The following GPC5 variants were observed in gnomAD, a reference collection of about 807,000 sequenced individuals.
GPC5 encodes the protein glypican-5.
A neutral mutation model predicts 53.9 loss-of-function variants in GPC5; 47 were observed. The ratio of observed to expected loss-of-function variants is 0.87; its 90% CI spans 0.69 to 1.11. The LOEUF is 1.11. Among genes scored for constraint, GPC5 ranks in the 50% most tolerant of loss-of-function variants. The pLI is 0.00. For synonymous variants in GPC5, 286 were observed against 263.3 expected, an observed-to-expected ratio of 1.09 and a Z score of -0.84; for missense variants, 748 against 713.1, an observed-to-expected ratio of 1.05 and a Z score of -0.56.
intron 6 of GPC5, among the ~76,000 whole-genome samples, chr13:91,976,755 A>G (rs1331275935): frequency 6.6e-6 from 1 of 152,174 alleles, no homozygotes; most frequent in East Asian, 1.9e-4. Flanking sequence ...TAAGACAAAC[A>G]GAGGCCGAGC....
intron 7 of GPC5, among the ~76,000 whole-genome samples, chr13:92,535,156 C>T (rs1364044067): frequency 2.6e-5 from 4 of 152,102 alleles, no homozygotes; most frequent in African/African-American, 9.7e-5. Flanking sequence ...GGCTGGGCTT[C>T]ATGGGGTAAG....
chr13:91,917,893 T>C (rs1438288578), intron 6 of GPC5, among the ~76,000 whole-genome samples: 1 of 152,196 alleles, frequency 6.6e-6, no homozygotes, highest in Non-Finnish European at 1.5e-5. Flanking sequence ...CCCTCCAAAC[T>C]GTGTCAACCT....
intron 7 of GPC5, among the ~76,000 whole-genome samples, chr13:92,340,243 GTATA>G (rs1349041248): frequency 6.6e-6 from 1 of 152,102 alleles, no homozygotes. Flanking sequence ...AACAGTCATG[GTATA>G]CAATGATGAA....
At chr13:92,368,623 C>A (rs1594138349) in intron 7 of GPC5, among the ~76,000 whole-genome samples, 3 of 92,018 alleles carry the variant, frequency 3.3e-5, no homozygotes, top group African/African-American at 4.3e-5. Flanking sequence ...GGTGATAGAG[C>A]AAGACTGTCT....
chr13:91,518,591 C>T lies in GPC5; in HGVS notation c.325+69669C>T, dbSNP rs150857677. On this transcript the variant is annotated intron_variant, in intron 2 of 7. Coordinates refer to ENST00000377067, the MANE Select transcript of GPC5 (RefSeq NM_004466.6). ...TTTTTGAGATGGAGTCTCGCTCTGTCGCCCAGGCTGGAGTGCAGTGGCGTG... is the reference window on the plus strand; with the variant it reads ...TTTTTGAGATGGAGTCTCGCTCTGTTGCCCAGGCTGGAGTGCAGTGGCGTG... Among the ~76,000 whole-genome samples, 700 of 152,212 alleles carry T rather than the reference C, an allele frequency of 4.6e-3. 8 individuals carry two copies. The highest frequency in any genetic ancestry group is 0.016 in the African/African-American group (668 of 41,524).
chr13:92,288,238 T>C (rs2042969545), intron 7 of GPC5, among the ~76,000 whole-genome samples: 1 of 152,224 alleles, frequency 6.6e-6, no homozygotes, highest in Non-Finnish European at 1.5e-5. Context: ...TTTTCTAATA[T>C]GACCAATGTC....
chr13:91,544,121 A>AT (rs1247903206), intron 2 of GPC5, among the ~76,000 whole-genome samples: 2 of 152,100 alleles, frequency 1.3e-5, no homozygotes, highest in Non-Finnish European at 2.9e-5. Flanking sequence ...TAAAAAAAAA[A>AT]GACATTTCTG....
At chr13:92,298,987 A>C (rs1177854804) in intron 7 of GPC5, among the ~76,000 whole-genome samples, 1 of 152,218 alleles carries the variant, frequency 6.6e-6, no homozygotes, top group Non-Finnish European at 1.5e-5. Context: ...TTTTGAATAG[A>C]AATACAAATA....
At chr13:91,883,001 A>G (rs895626950) in intron 5 of GPC5, among the ~76,000 whole-genome samples, 5 of 152,146 alleles carry the variant, frequency 3.3e-5, no homozygotes, top group Admixed American at 2.0e-4. Flanking sequence ...CCACTTCATT[A>G]TATCTCATGG....
chr13:91,514,071 T>C (rs1181995841), intron 2 of GPC5, among the ~76,000 whole-genome samples: 4 of 152,262 alleles, frequency 2.6e-5, no homozygotes, highest in Non-Finnish European at 4.4e-5. Flanking sequence ...GGGTTGTTTC[T>C]GGTTTTTGGT....
At chr13:92,317,738 A>ATG (rs1453799016) in intron 7 of GPC5, among the ~76,000 whole-genome samples, 3 of 151,904 alleles carry the variant, frequency 2.0e-5, no homozygotes, top group African/African-American at 7.3e-5. Flanking sequence ...CTGACCTCAA[A>ATG]TGATCCACCG....
At chr13:92,158,595 G>C (rs1043846160) in intron 7 of GPC5, among the ~76,000 whole-genome samples, 3 of 149,234 alleles carry the variant, frequency 2.0e-5, no homozygotes, top group African/African-American at 7.4e-5. Context: ...CTCCCTTCAC[G>C]CCCCGCATTT....
chr13:91,539,004 G>A (rs1302740547), intron 2 of GPC5, among the ~76,000 whole-genome samples: 1 of 152,120 alleles, frequency 6.6e-6, no homozygotes, highest in East Asian at 1.9e-4. Flanking sequence ...CATTAAGATA[G>A]TATTCCAGCT....
chr13:92,624,893 T>C (rs1884997839), intron 7 of GPC5, among the ~76,000 whole-genome samples: 1 of 152,224 alleles, frequency 6.6e-6, no homozygotes, highest in Non-Finnish European at 1.5e-5. Context: ...GGGCAGTCAG[T>C]GTCCCTACTT....
At chr13:91,509,957 T>C (rs1885150776) in intron 2 of GPC5, among the ~76,000 whole-genome samples, 2 of 152,198 alleles carry the variant, frequency 1.3e-5, no homozygotes, top group South Asian at 2.1e-4. Context: ...TTTGTCATTA[T>C]CACTTGTATA....
chr13:92,838,985 A>C (rs1198089583), intron 7 of GPC5, among the ~76,000 whole-genome samples: 8 of 152,222 alleles, frequency 5.3e-5, no homozygotes, highest in Admixed American at 5.2e-4. Context: ...CTGCTGTTAG[A>C]CATGAGTCAA....
intron 2 of GPC5, among the ~76,000 whole-genome samples, chr13:91,649,052 G>A (rs1443394172): frequency 6.6e-6 from 1 of 152,162 alleles, no homozygotes; most frequent in Non-Finnish European, 1.5e-5. Flanking sequence ...GAGTTCTCAT[G>A]AGATTTGATG....
At chr13:91,882,552 T>C (rs1308144279) in intron 5 of GPC5, among the ~76,000 whole-genome samples, 3 of 151,824 alleles carry the variant, frequency 2.0e-5, no homozygotes, top group Non-Finnish European at 4.4e-5. Flanking sequence ...CCTTTATACA[T>C]TTTAATATTG....
chr13:91,842,916 A>G (rs532707730), intron 5 of GPC5, among the ~76,000 whole-genome samples: 1 of 152,248 alleles, frequency 6.6e-6, no homozygotes, highest in Admixed American at 6.5e-5. Context: ...TTAATACCCT[A>G]AAATGAAAAT....
Sources: gnomAD v4.1 joint callset for allele counts (sites outside exome capture counted in the v4.1 genomes callset) on GRCh38, gnomAD v4.1.1 for gene constraint, MANE v1.5 for transcripts, NCBI Gene and HGNC (gene_info 2026-07-23, HGNC 2026-07-21) for gene names.